DAOA: variants seen among roughly 807,000 people sequenced by gnomAD.
DAOA encodes the protein D-amino acid oxidase activator.
In DAOA, 15 loss-of-function variants were observed where a neutral mutation model predicts 16.4. The ratio of observed to expected loss-of-function variants is 0.91; its 90% CI spans 0.61 to 1.41. The LOEUF is 1.41. Ranked by LOEUF, DAOA falls within the 40% of genes most tolerant of loss-of-function variation. The pLI, the probability that DAOA is intolerant of heterozygous loss-of-function variation, is 0.00. For missense variants in DAOA, 230 were observed against 176.8 expected, an observed-to-expected ratio of 1.30 and a Z score of -1.71; for synonymous variants, 75 against 59.1, an observed-to-expected ratio of 1.27 and a Z score of -1.23.
chr13:105,470,323 G>C (rs1876843697), intron 3 of DAOA, among the ~76,000 whole-genome samples: 2 of 151,920 alleles, frequency 1.3e-5, no homozygotes, highest in Non-Finnish European at 2.9e-5. Flanking sequence ...GAATTTCTCT[G>C]TGTAGCCATG....
intron 4 of DAOA, among the ~76,000 whole-genome samples, chr13:105,482,955 A>C (rs78623822): frequency 0.06 from 9,201 of 152,220 alleles, 501 homozygotes; most frequent in African/African-American, 0.14. Context: ...CCCTAAAAAC[A>C]TTACCACGGT....
chr13:105,469,155 T>C (rs1056754970), intron 3 of DAOA, among the ~76,000 whole-genome samples: 5 of 152,118 alleles, frequency 3.3e-5, no homozygotes, highest in Admixed American at 3.3e-4. Context: ...TACCATACCA[T>C]AGGGTTCAAT....
intron 4 of DAOA, among the ~76,000 whole-genome samples, chr13:105,488,024 A>AAAAT (rs1297687148): frequency 5.7e-4 from 87 of 152,338 alleles, no homozygotes; most frequent in Middle Eastern, 6.8e-3. Context: ...AAAAGGCAGA[A>AAAAT]CTAATGGATG....
At chr13:105,466,449 G>A (rs1876522583) in intron 2 of DAOA, 117 bp downstream of exon 2, 4 of 1,531,294 alleles carry the variant, frequency 2.6e-6, no homozygotes, top group Non-Finnish European at 2.7e-6. Flanking sequence ...ACATGTCAGG[G>A]TTGGAAGCCT....
chr13:105,481,875 A>C (rs967064587), intron 4 of DAOA, among the ~76,000 whole-genome samples: 1 of 152,152 alleles, frequency 6.6e-6, no homozygotes, highest in Non-Finnish European at 1.5e-5. Context: ...TGTTTTTTAT[A>C]CTTGCTGTAT....
intron 3 of DAOA, among the ~76,000 whole-genome samples, chr13:105,469,260 C>T (rs943398412): frequency 1.3e-5 from 2 of 152,150 alleles, no homozygotes; most frequent in African/African-American, 4.8e-5. Context: ...TCTTAACCAC[C>T]TAGGTGTGTA....
chr13:105,467,271 G>A lies in DAOA; in HGVS notation c.133+130G>A, dbSNP rs1468640348. 3.8e-6 allele frequency: 4 copies of A among 1,052,976 alleles called. No individual in the cohort carries two copies. In the East Asian group the frequency reaches 1.1e-4, roughly 30 times the overall value. 65.2% of individuals were successfully genotyped at this position (1,052,976 alleles called of 1,614,324 possible). ...ACTTCAATTAATTTGTAAGATACAG[G>A]AAGAAAATTTTTCCAGTTAAAATGT... On this transcript the variant is annotated intron_variant, in intron 3 of 5. Transcript: ENST00000375936.
chr13:105,470,587 A>G (rs145621570), intron 3 of DAOA, among the ~76,000 whole-genome samples: 314 of 152,092 alleles, frequency 2.1e-3, no homozygotes, highest in African/African-American at 7.0e-3. Flanking sequence ...ACCCAACCAA[A>G]ATATTCTATT....
intron 4 of DAOA, 184 bp from the exon 5 acceptor site, chr13:105,489,717 C>T: frequency 7.3e-7 from 1 of 1,365,032 alleles, no homozygotes. Context: ...GCAGTTAGAC[C>T]CTAAGTGACC....
chr13:105,468,257 G>GA (rs776376511), intron 3 of DAOA, among the ~76,000 whole-genome samples: 1 of 152,164 alleles, frequency 6.6e-6, no homozygotes, highest in Non-Finnish European at 1.5e-5. Context: ...TGTTACACAA[G>GA]ATTCCACAGG....
rs1189912399 is a variant in DAOA, at chr13:105,485,688, C to T, written c.282-4213C>T. ...GGCTCTATTCCATTATGACTGGGGT[C>T]CTTGTTGGAAGAGGAGAAGAGGTAC... On this transcript the variant is annotated intron_variant, in intron 4 of 5. Transcript: ENST00000375936. 2.6e-5 allele frequency among the ~76,000 whole-genome samples: 4 copies of T among 151,968 alleles called. No homozygotes were observed. The East Asian group carries it at 7.7e-4, about 29-fold the overall frequency.
chr13:105,487,050 A>G (rs1436953813), intron 4 of DAOA, among the ~76,000 whole-genome samples: 1 of 152,196 alleles, frequency 6.6e-6, no homozygotes, highest in Non-Finnish European at 1.5e-5. Flanking sequence ...TTATTGGATT[A>G]CAGTGGTCAG....
intron 4 of DAOA, among the ~76,000 whole-genome samples, chr13:105,480,122 C>A (rs1877610566): frequency 6.6e-6 from 1 of 152,076 alleles, no homozygotes; most frequent in South Asian, 2.1e-4. Flanking sequence ...TAGTACATAA[C>A]AATATTCAGC....
intron 4 of DAOA, among the ~76,000 whole-genome samples, chr13:105,485,509 T>C (rs1047781934): frequency 1.3e-5 from 2 of 152,222 alleles, no homozygotes; most frequent in Non-Finnish European, 2.9e-5. Flanking sequence ...CACTAACCCT[T>C]ATCTCACTTC....
At chr13:105,465,917 A>G (rs548671999), upstream of DAOA, 4 of 175,612 alleles carry the variant, frequency 2.3e-5, no homozygotes, top group Non-Finnish European at 4.8e-5. Context: ...AAAATGACTC[A>G]CAATAATTTA....
At chr13:105,470,588 A>T (rs61696692) in intron 3 of DAOA, among the ~76,000 whole-genome samples, 2,697 of 152,098 alleles carry the variant, frequency 0.018, 65 homozygotes, top group African/African-American at 0.056. Flanking sequence ...CCCAACCAAA[A>T]TATTCTATTT....
At chr13:105,477,623 C>T (rs1462390864) in intron 4 of DAOA, among the ~76,000 whole-genome samples, 1 of 152,194 alleles carries the variant, frequency 6.6e-6, no homozygotes, top group Admixed American at 6.5e-5. Context: ...TCTTGGGAAG[C>T]TGAGGAGGGA....
At chr13:105,466,111 T>C in intron 1 of DAOA, 51 bp downstream of exon 1, 1 of 878,280 alleles carries the variant, frequency 1.1e-6, no homozygotes, top group Non-Finnish European at 1.7e-6. Context: ...TATCAGCTCC[T>C]GCATGGCAGT....
At chr13:105,484,769 C>T (rs1877994651) in intron 4 of DAOA, among the ~76,000 whole-genome samples, 1 of 151,964 alleles carries the variant, frequency 6.6e-6, no homozygotes, top group South Asian at 2.1e-4. Flanking sequence ...AGTTTATTTC[C>T]TCCTATACAA....
Sources: gnomAD v4.1 joint callset for allele counts (sites outside exome capture counted in the v4.1 genomes callset) on GRCh38, gnomAD v4.1.1 for gene constraint, MANE v1.5 for transcripts, NCBI Gene and HGNC (gene_info 2026-07-23, HGNC 2026-07-21) for gene names.